NUS1: variants seen among roughly 807,000 people sequenced by gnomAD.
The protein encoded by NUS1 is NUS1 dehydrodolichyl diphosphate synthase subunit.
For synonymous variants in NUS1, 135 were observed against 155.2 expected (o/e 0.87, Z 0.97); for missense variants, 292 against 382.9 (o/e 0.76, Z 1.98).
At position 117,676,111 on chromosome 6, in the gene NUS1, G is replaced by A. The variant is rs762095703; in HGVS notation, c.415+26G>A. On this transcript the variant is annotated intron_variant, in intron 1 of 4. Coordinates refer to ENST00000368494, the MANE Select transcript of NUS1 (RefSeq NM_138459.5). ...GTGAGGCCCGGTGCGGTGGTGGGGG[G>A]TGGCCGAGGCGTCTTGGACCGCTAG... The A allele has an allele frequency of 3.9e-6, 6 of 1,550,170 alleles. No individual in the cohort carries two copies. In the South Asian group the frequency reaches 7.1e-5, roughly 18 times the overall value.
chr6:117,702,347 T>C (rs1032433692), intron 3 of NUS1, among the ~76,000 whole-genome samples: 3 of 152,222 alleles, frequency 2.0e-5, no homozygotes, highest in Non-Finnish European at 2.9e-5. Flanking sequence ...ATCATCTAAT[T>C]TTTGCTGTCA....
In NUS1 at chr6:117,702,822, A is replaced by G. The variant is rs186303753; in HGVS notation, c.692-783A>G. ...AGGAATTTAGCACTGGAGAGGTTGT[A>G]TAACAGACAAGTTAGTGGCAGAATT... is the stretch of plus-strand genomic sequence containing the variant. On this transcript the variant is annotated intron_variant, in intron 3 of 4. Coordinates refer to ENST00000368494, the MANE Select transcript of NUS1 (RefSeq NM_138459.5). 1.1e-4 allele frequency among the ~76,000 whole-genome samples: 17 copies of G among 152,338 alleles called. No homozygotes were observed. The East Asian group carries it at 2.1e-3, about 19-fold the overall frequency.
intron 3 of NUS1, among the ~76,000 whole-genome samples, chr6:117,700,001 T>C (rs1773383704): frequency 6.6e-6 from 1 of 152,032 alleles, no homozygotes; most frequent in Non-Finnish European, 1.5e-5. Context: ...TATACAAAAA[T>C]CAAATCAAAA....
rs1773280846 is a variant in NUS1 at position 117,694,056 on chromosome 6, G to A, written c.567G>A (p.Lys189=). The A allele has an allele frequency of 4.3e-6, 7 of 1,609,808 alleles. No individual in the cohort carries two copies. In the East Asian group the frequency reaches 1.6e-4, roughly 36 times the overall value. The change falls in exon 3 of 5, where the codon AAG becomes AAA. Residue 189 remains lysine (K), a synonymous_variant. Coordinates refer to ENST00000368494, the MANE Select transcript of NUS1 (RefSeq NM_138459.5). ...DQVLNCHLAV[K]VLSPEDGKAD... ...TTTTAAATTGCCATTTGGCAGTGAAGGTGCTGTCTCCGGAAGATGGAAAAG... is the reference window on the plus strand; with the variant it reads ...TTTTAAATTGCCATTTGGCAGTGAAAGTGCTGTCTCCGGAAGATGGAAAAG...
At chr6:117,705,655 C>T (rs184785446) in intron 4 of NUS1, among the ~76,000 whole-genome samples, 1 of 152,090 alleles carries the variant, frequency 6.6e-6, no homozygotes, top group Admixed American at 6.5e-5. Flanking sequence ...ACAGAACAGA[C>T]TGAGAAATAG....
In NUS1 at chr6:117,694,088, T is replaced by C. The variant is rs755280454; in HGVS notation, c.599T>C (p.Ile200Thr). 5.6e-6 allele frequency: 9 copies of C among 1,612,678 alleles called. No homozygotes were observed. Among genetic ancestry groups the C allele is most frequent in the African/African-American group, 4.0e-5 (3 of 74,852 alleles). Residue 200 changes from isoleucine to threonine, a missense_variant, in exon 3 of 5, where the codon ATT becomes ACT. Physicochemically the swap from Ile to Thr is moderately conservative, Grantham distance 89 (BLOSUM62 -1). Transcript: ENST00000368494. ...TCTCCGGAAGATGGAAAAGCAGATA[T>C]TGTAAGAGCTGCTCAGGACTTTTGC... ...VLSPEDGKAD[I>T]VRAAQDFCQL...
chr6:117,704,635 G>A (rs1773476093), intron 4 of NUS1, among the ~76,000 whole-genome samples: 1 of 152,188 alleles, frequency 6.6e-6, no homozygotes, highest in Non-Finnish European at 1.5e-5. Context: ...TAAAATATAT[G>A]TAAATGCTGG....
At chr6:117,691,086 A>G (rs1007854504) in intron 1 of NUS1, among the ~76,000 whole-genome samples, 5 of 151,860 alleles carry the variant, frequency 3.3e-5, no homozygotes, top group African/African-American at 4.8e-5. Flanking sequence ...TATTCTCTCA[A>G]TTCTTCCTTT....
At chr6:117,677,860 GA>G (rs1187151957) in intron 1 of NUS1, among the ~76,000 whole-genome samples, 1 of 152,158 alleles carries the variant, frequency 6.6e-6, no homozygotes, top group African/African-American at 2.4e-5. Flanking sequence ...TTTGCTTGGG[GA>G]AAAAAATAGG....
chr6:117,675,944 C>G lies in NUS1; in HGVS notation c.274C>G (p.Arg92Gly). 4 of 1,546,324 alleles carry G rather than the reference C, an allele frequency of 2.6e-6. No homozygotes were observed. Among genetic ancestry groups the G allele is most frequent in the South Asian group, 1.2e-5 (1 of 83,866 alleles). ...CCGGATGCGCTGGCGCGCGGACGGT[C>G]GTTCCTTGGAGAAGCTGCCTGTGCA... The part of the protein sequence containing the change: ...HHRMRWRADG[R>G]SLEKLPVHMG... Residue 92 changes from arginine to glycine, a missense_variant, in exon 1 of 5, where the codon CGT becomes GGT. Transcript: ENST00000368494.
At chr6:117,691,069 T>C (rs2114685305) in intron 1 of NUS1, among the ~76,000 whole-genome samples, 1 of 151,950 alleles carries the variant, frequency 6.6e-6, no homozygotes, top group South Asian at 2.1e-4. Context: ...AAGTCAGTCA[T>C]GTACCATATT....
In NUS1 at chr6:117,697,635, A is replaced by G. The variant is rs190771667; in HGVS notation, c.691+3455A>G. ...AGTTGTAAATACATATGCACCCAAC[A>G]TTGGAGAACCCAGATATATAAAGCC... On this transcript the variant is annotated intron_variant, in intron 3 of 4. Coordinates refer to ENST00000368494, the MANE Select transcript of NUS1 (RefSeq NM_138459.5). 4.2e-3 allele frequency among the ~76,000 whole-genome samples: 633 copies of G among 152,224 alleles called. 2 individuals are homozygous for G. The highest frequency in any genetic ancestry group is 0.014 in the African/African-American group (590 of 41,566).
At chr6:117,686,258 TAA>T (rs1028847521) in intron 1 of NUS1, among the ~76,000 whole-genome samples, 11 of 142,682 alleles carry the variant, frequency 7.7e-5, no homozygotes, top group African/African-American at 2.8e-4. Context: ...AGATTCCGTC[TAA>T]AAAAAAAAAG....
At chr6:117,686,737 TTATAA>T (rs1200131721) in intron 1 of NUS1, among the ~76,000 whole-genome samples, 2 of 152,160 alleles carry the variant, frequency 1.3e-5, no homozygotes, top group Non-Finnish European at 2.9e-5. Flanking sequence ...ACAGGATGAA[TTATAA>T]TATGAGAAAA....
At chr6:117,685,544 G>T (rs922980079) in intron 1 of NUS1, among the ~76,000 whole-genome samples, 4 of 151,872 alleles carry the variant, frequency 2.6e-5, no homozygotes, top group African/African-American at 7.3e-5. Flanking sequence ...TAAAGACAGG[G>T]TCTTGCTACA....
chr6:117,685,979 G>A (rs1035782500), intron 1 of NUS1, among the ~76,000 whole-genome samples: 3 of 142,290 alleles, frequency 2.1e-5, no homozygotes, highest in Non-Finnish European at 4.6e-5. Flanking sequence ...AAAAAAAAAA[G>A]GGCTGGGCGC....
At chr6:117,682,761 A>G (rs1322476426) in intron 1 of NUS1, among the ~76,000 whole-genome samples, 7 of 152,238 alleles carry the variant, frequency 4.6e-5, no homozygotes, top group Non-Finnish European at 1.0e-4. Context: ...GAGCAGATCT[A>G]GAATTTGAAC....
rs190317122 is a variant in NUS1 at position 117,685,100 on chromosome 6, A to C, written c.416-7942A>C. Among the ~76,000 whole-genome samples, 393 of 152,326 alleles carry C rather than the reference A, an allele frequency of 2.6e-3. 5 individuals carry two copies. Among genetic ancestry groups the C allele is most frequent in the African/African-American group, 9.1e-3 (380 of 41,580 alleles). Reference sequence around the variant, plus strand: ...TTTTTTAAGACTAGAATTTAAAACAAATGTTTCTTAGAATCTAAAATGAAG... The same window carrying C: ...TTTTTTAAGACTAGAATTTAAAACACATGTTTCTTAGAATCTAAAATGAAG... On this transcript the variant is annotated intron_variant, in intron 1 of 4. Transcript: ENST00000368494.
At chr6:117,701,361 C>T (rs1268845937) in intron 3 of NUS1, among the ~76,000 whole-genome samples, 1 of 151,564 alleles carries the variant, frequency 6.6e-6, no homozygotes, top group Non-Finnish European at 1.5e-5. Context: ...TCTCCTGCCT[C>T]AGCCTCCCGA....
Sources: gnomAD v4.1 joint callset for allele counts (sites outside exome capture counted in the v4.1 genomes callset) on GRCh38, gnomAD v4.1.1 for gene constraint, MANE v1.5 for transcripts, NCBI Gene and HGNC (gene_info 2026-07-23, HGNC 2026-07-21) for gene names.